The following L3MBTL4 variants were observed in gnomAD, a reference collection of about 807,000 sequenced individuals.
L3MBTL4 encodes L3MBTL histone methyl-lysine binding protein 4.
A neutral mutation model predicts 84.5 loss-of-function variants in L3MBTL4; 70 were observed. That is an observed-to-expected ratio of 0.83 (90% CI 0.68 to 1.01). The LOEUF is 1.01. L3MBTL4 is among the 50% of genes least tolerant of loss of function. The pLI is 0.00. For synonymous variants in L3MBTL4, 274 were observed against 259.8 expected, an observed-to-expected ratio of 1.05 and a Z score of -0.52; for missense variants, 715 against 754.8, an observed-to-expected ratio of 0.95 and a Z score of 0.62.
intron 10 of L3MBTL4, among the ~76,000 whole-genome samples, chr18:6,220,664 A>T (rs571898888): frequency 6.6e-6 from 1 of 152,332 alleles, no homozygotes; most frequent in South Asian, 2.1e-4. Flanking sequence ...TTATGATAGG[A>T]ATATGTTCAC....
At chr18:6,373,710 A>G (rs1371802633) in intron 1 of L3MBTL4, among the ~76,000 whole-genome samples, 1 of 152,150 alleles carries the variant, frequency 6.6e-6, no homozygotes, top group African/African-American at 2.4e-5. Flanking sequence ...CAGAAAGTAC[A>G]AGGGAATTAT....
At chr18:6,261,380 G>T (rs937293000) in intron 5 of L3MBTL4, among the ~76,000 whole-genome samples, 2 of 152,198 alleles carry the variant, frequency 1.3e-5, no homozygotes, top group African/African-American at 4.8e-5. Context: ...TTTCAGAGAT[G>T]ACAAATATTA....
intron 1 of L3MBTL4, among the ~76,000 whole-genome samples, chr18:6,399,088 C>T (rs1037529151): frequency 1.3e-5 from 2 of 152,144 alleles, no homozygotes; most frequent in Non-Finnish European, 2.9e-5. Context: ...CTGGCTAGAA[C>T]TAAATAAGGC....
chr18:6,081,113 T>A (rs895410986), intron 15 of L3MBTL4, 162 bp from the exon 16 acceptor site: 1 of 497,992 alleles, frequency 2.0e-6, no homozygotes, highest in African/African-American at 2.0e-5. Context: ...TTTAAGATTT[T>A]AAAAACACAC....
At chr18:6,330,289 A>C (rs2051960590) in intron 1 of L3MBTL4, among the ~76,000 whole-genome samples, 3 of 152,220 alleles carry the variant, frequency 2.0e-5, no homozygotes, top group Admixed American at 2.0e-4. Flanking sequence ...ATTATCTTAC[A>C]GTTAAGGAGG....
chr18:6,397,194 A>T (rs341234), intron 1 of L3MBTL4: 110,888 of 152,076 alleles, frequency 0.73, 41,168 homozygotes, highest in African/African-American at 0.88. Context: ...GAGCATGCAA[A>T]GCACGAGACC....
chr18:6,284,562 T>C (rs1040863882), intron 4 of L3MBTL4, among the ~76,000 whole-genome samples: 3 of 152,186 alleles, frequency 2.0e-5, no homozygotes, highest in Non-Finnish European at 2.9e-5. Flanking sequence ...GCCGCCACCT[T>C]GGAGGGGACG....
At chr18:6,146,433 T>C (rs55864297) in intron 13 of L3MBTL4, among the ~76,000 whole-genome samples, 6,308 of 152,012 alleles carry the variant, frequency 0.041, 414 homozygotes, top group African/African-American at 0.14. Context: ...AGCGAGGAAC[T>C]CAGCGAGTAG....
chr18:6,104,878 A>G (rs993691746), intron 14 of L3MBTL4, among the ~76,000 whole-genome samples: 1 of 152,188 alleles, frequency 6.6e-6, no homozygotes, highest in African/African-American at 2.4e-5. Flanking sequence ...TAATTAACAC[A>G]TCGAAGGCAA....
chr18:6,002,133 G>A (rs747231792), intron 16 of L3MBTL4, among the ~76,000 whole-genome samples: 13 of 152,014 alleles, frequency 8.6e-5, no homozygotes, highest in Non-Finnish European at 1.9e-4. Flanking sequence ...GAATGCAGTA[G>A]AATGATATAC....
chr18:6,288,435 T>C (rs1335540086), intron 4 of L3MBTL4, among the ~76,000 whole-genome samples: 1 of 152,228 alleles, frequency 6.6e-6, no homozygotes, highest in Non-Finnish European at 1.5e-5. Context: ...AAACTTTTGG[T>C]AAATTAGAAA....
intron 3 of L3MBTL4, among the ~76,000 whole-genome samples, chr18:6,308,937 T>C (rs1352463473): frequency 6.9e-6 from 1 of 145,476 alleles, no homozygotes; most frequent in Non-Finnish European, 1.5e-5. Context: ...TAAGAAAATA[T>C]TTTTTACATT....
At chr18:5,958,082 GAA>G (rs2095239827) in intron 18 of L3MBTL4, among the ~76,000 whole-genome samples, 1 of 58,328 alleles carries the variant, frequency 1.7e-5, no homozygotes, top group Non-Finnish European at 2.6e-5. Context: ...AGAAGAAGAA[GAA>G]GAAGAAGAAG....
intron 10 of L3MBTL4, among the ~76,000 whole-genome samples, chr18:6,219,206 A>G (rs902660788): frequency 6.6e-6 from 1 of 151,922 alleles, no homozygotes; most frequent in Non-Finnish European, 1.5e-5. Context: ...GCGTGGCTCC[A>G]TCAACCTCAT....
chr18:6,218,765 C>T (rs1422149219), intron 10 of L3MBTL4, among the ~76,000 whole-genome samples: 1 of 152,102 alleles, frequency 6.6e-6, no homozygotes, highest in African/African-American at 2.4e-5. Context: ...GGGAGAGTTG[C>T]AAAAGCCACG....
chr18:6,409,321 CTATTTTTTA>C (rs2055869171), intron 1 of L3MBTL4, among the ~76,000 whole-genome samples: 1 of 152,140 alleles, frequency 6.6e-6, no homozygotes, highest in African/African-American at 2.4e-5. Context: ...GGACCAAATA[CTATTTTTTA>C]TATGTTGTCA....
At chr18:6,405,123 T>G (rs1479979121) in intron 1 of L3MBTL4, among the ~76,000 whole-genome samples, 1 of 152,236 alleles carries the variant, frequency 6.6e-6, no homozygotes, top group African/African-American at 2.4e-5. Context: ...ATCTTCACTT[T>G]CAGTATAACA....
chr18:6,287,330 C>T (rs1171316190), intron 4 of L3MBTL4, among the ~76,000 whole-genome samples: 1 of 151,956 alleles, frequency 6.6e-6, no homozygotes, highest in South Asian at 2.1e-4. Context: ...ACACGAGGCT[C>T]CAGAAAAAAA....
intron 1 of L3MBTL4, among the ~76,000 whole-genome samples, chr18:6,405,067 T>G (rs1317071596): frequency 6.6e-6 from 1 of 152,216 alleles, no homozygotes; most frequent in African/African-American, 2.4e-5. Flanking sequence ...TGAAGAACTT[T>G]TTTAATGCTC....
Sources: gnomAD v4.1 joint callset for allele counts (sites outside exome capture counted in the v4.1 genomes callset) on GRCh38, gnomAD v4.1.1 for gene constraint, MANE v1.5 for transcripts, NCBI Gene and HGNC (gene_info 2026-07-23, HGNC 2026-07-21) for gene names.